PCDH7: variants seen among roughly 807,000 people sequenced by gnomAD.
PCDH7 encodes the protein protocadherin 7.
PCDH7 carries 17 observed loss-of-function variants against 58.9 expected under a neutral mutation model. That is an observed-to-expected ratio of 0.29 (90% CI 0.20 to 0.43). The LOEUF (loss-of-function observed/expected upper bound fraction) is 0.43. Among genes scored for constraint, PCDH7 ranks in the 20% least tolerant of loss-of-function variants. The pLI is 1.00. For synonymous variants in PCDH7, 664 were observed against 616.4 expected (o/e 1.08, Z -1.14); for missense variants, 1,274 against 1,441.0 (o/e 0.88, Z 1.88).
chr4:30,831,700 A>G (rs1326289834), intron 1 of PCDH7, among the ~76,000 whole-genome samples: 3 of 152,122 alleles, frequency 2.0e-5, no homozygotes, highest in Admixed American at 2.0e-4. Context: ...AAATTTAGCT[A>G]TAGTTACCCA....
chr4:30,798,107 G>A (rs1416278269), intron 1 of PCDH7, among the ~76,000 whole-genome samples: 1 of 152,182 alleles, frequency 6.6e-6, no homozygotes, highest in Non-Finnish European at 1.5e-5. Flanking sequence ...TGGAGGACAA[G>A]TTGGTGTCCA....
chr4:30,954,331 A>G (rs1017324748), intron 3 of PCDH7, among the ~76,000 whole-genome samples: 1 of 152,140 alleles, frequency 6.6e-6, no homozygotes, highest in Non-Finnish European at 1.5e-5. Context: ...GAACCTATAT[A>G]ATCTTAATGA....
At chr4:31,036,134 G>T (rs1424417800) in intron 3 of PCDH7, among the ~76,000 whole-genome samples, 2 of 152,142 alleles carry the variant, frequency 1.3e-5, no homozygotes, top group African/African-American at 4.8e-5. Context: ...TCTGTACTTT[G>T]CTAAGTCTCA....
chr4:30,826,820 GGATTAAGCAATCCTCCT>G (rs1729144903), intron 1 of PCDH7, among the ~76,000 whole-genome samples: 1 of 152,028 alleles, frequency 6.6e-6, no homozygotes. Context: ...AGACAACCGG[GGATTAAGCAATCCTCCT>G]GCCTCAGCCC....
At chr4:31,135,274 G>A (rs544818945) in intron 3 of PCDH7, among the ~76,000 whole-genome samples, 2 of 152,158 alleles carry the variant, frequency 1.3e-5, no homozygotes, top group African/African-American at 4.8e-5. Flanking sequence ...TATCTTAGGG[G>A]CAAGTTTCAA....
intron 1 of PCDH7, among the ~76,000 whole-genome samples, chr4:30,883,239 A>G (rs1737239165): frequency 6.6e-6 from 1 of 152,242 alleles, no homozygotes; most frequent in East Asian, 1.9e-4. Flanking sequence ...ACCTAGGAAC[A>G]TAAAATTTAA....
chr4:31,141,215 C>A (rs1037288567), intron 3 of PCDH7, among the ~76,000 whole-genome samples: 1 of 152,204 alleles, frequency 6.6e-6, no homozygotes, highest in Non-Finnish European at 1.5e-5. Flanking sequence ...ACTTCCTCTT[C>A]TATTTTAAAC....
At chr4:31,081,934 A>G (rs61441733) in intron 3 of PCDH7, among the ~76,000 whole-genome samples, 97,052 of 151,972 alleles carry the variant, frequency 0.64, 32,232 homozygotes, top group African/African-American at 0.82. Flanking sequence ...CACCAAGGCC[A>G]GCTAATTTTT....
intron 3 of PCDH7, among the ~76,000 whole-genome samples, chr4:31,045,732 C>A (rs918771262): frequency 2.0e-5 from 3 of 151,976 alleles, no homozygotes; most frequent in Non-Finnish European, 4.4e-5. Context: ...CCATCTACAT[C>A]CTTGCATTAA....
chr4:31,068,317 G>A (rs1758256810), intron 3 of PCDH7, among the ~76,000 whole-genome samples: 1 of 147,960 alleles, frequency 6.8e-6, no homozygotes, highest in African/African-American at 2.5e-5. Flanking sequence ...AAAAAAAAAA[G>A]TCTTTAATAA....
At chr4:31,055,847 G>GGAGGCTATGTATATGGCT in intron 3 of PCDH7, among the ~76,000 whole-genome samples, 1 of 152,038 alleles carries the variant, frequency 6.6e-6, no homozygotes, top group Non-Finnish European at 1.5e-5. Context: ...AAAGTGCTAG[G>GGAGGCTATGTATATGGCT]ATTACAGGCC....
intron 1 of PCDH7, among the ~76,000 whole-genome samples, chr4:30,854,542 A>T (rs1041645032): frequency 1.3e-5 from 2 of 151,914 alleles, no homozygotes; most frequent in African/African-American, 4.8e-5. Flanking sequence ...CTCTAAAATG[A>T]TCTGGTTGAA....
intron 3 of PCDH7, among the ~76,000 whole-genome samples, chr4:31,133,662 T>C (rs1166134614): frequency 6.6e-6 from 1 of 152,172 alleles, no homozygotes; most frequent in Non-Finnish European, 1.5e-5. Flanking sequence ...TGAAGCCACA[T>C]CTCTGATGTG....
intron 3 of PCDH7, among the ~76,000 whole-genome samples, chr4:31,116,503 G>A (rs1034305833): frequency 1.3e-5 from 2 of 152,100 alleles, no homozygotes; most frequent in African/African-American, 4.8e-5. Context: ...TCACTGTGGT[G>A]GCATTTTCGG....
intron 1 of PCDH7, among the ~76,000 whole-genome samples, chr4:30,889,468 C>A (rs1738315505): frequency 2.0e-5 from 3 of 152,002 alleles, no homozygotes. Context: ...CAGCATGAGA[C>A]AATAATATTG....
At chr4:31,005,550 C>G (rs377359800) in intron 3 of PCDH7, among the ~76,000 whole-genome samples, 1 of 152,222 alleles carries the variant, frequency 6.6e-6, no homozygotes, top group African/African-American at 2.4e-5. Flanking sequence ...AATGTGTTCC[C>G]TCTGTTCTGT....
At chr4:30,838,495 G>GT (rs965717842) in intron 1 of PCDH7, among the ~76,000 whole-genome samples, 24 of 151,660 alleles carry the variant, frequency 1.6e-4, no homozygotes, top group Middle Eastern at 3.4e-3. Flanking sequence ...ATTTTAAAGG[G>GT]TTTTTTTTCC....
At chr4:30,856,292 T>C (rs1733446251) in intron 1 of PCDH7, among the ~76,000 whole-genome samples, 4 of 152,108 alleles carry the variant, frequency 2.6e-5, no homozygotes. Flanking sequence ...ACATTTTGCT[T>C]CTGAACAGAG....
At chr4:30,894,318 T>C (rs573153417) in intron 1 of PCDH7, among the ~76,000 whole-genome samples, 28 of 150,782 alleles carry the variant, frequency 1.9e-4, no homozygotes, top group African/African-American at 6.6e-4. Flanking sequence ...TAGAAGAAAA[T>C]AGTATCACTG....
Sources: allele counts gnomAD v4.1 joint callset (sites outside exome capture counted in the v4.1 genomes callset), GRCh38; gene constraint gnomAD v4.1.1; transcripts MANE v1.5; gene names NCBI Gene and HGNC (gene_info 2026-07-23, HGNC 2026-07-21).